Variants in CA1 observed in about 807,000 individuals in gnomAD.
CA1 encodes the protein carbonate dehydratase I.
Under a neutral mutation model 28.8 loss-of-function variants are expected in CA1, and 27 were observed. That is an observed-to-expected ratio of 0.94 (90% CI 0.69 to 1.29). The LOEUF (loss-of-function observed/expected upper bound fraction) is 1.29. CA1 is among the 50% of genes most tolerant of loss of function. CA1 has a pLI of 0.00. For synonymous variants in CA1, 121 were observed against 108.8 expected (o/e 1.11, Z -0.70); for missense variants, 335 against 310.5 (o/e 1.08, Z -0.59).
Position 85,328,075 on chromosome 8 carries a change from G to C in CA1, c.*485C>G, listed in dbSNP as rs893281643. The C allele has an allele frequency of 6.4e-6, 1 of 155,618 alleles. No individual in the cohort carries two copies. Among genetic ancestry groups the C allele is most frequent in the Non-Finnish European group, 1.4e-5 (1 of 70,472 alleles). 9.6% of individuals were successfully genotyped at this position (155,618 alleles called of 1,614,324 possible). ...ATCTCAGCTATATTTTTGTCTTCAGGAGTAAGCAAATGAATTTCCCAATAT... is the reference window on the plus strand; with the variant it reads ...ATCTCAGCTATATTTTTGTCTTCAGCAGTAAGCAAATGAATTTCCCAATAT... On this transcript the variant is annotated 3_prime_UTR_variant, in exon 8 of 8. Coordinates refer to ENST00000523022, the MANE Select transcript of CA1 (RefSeq NM_001128831.4).
intron 1 of CA1, among the ~76,000 whole-genome samples, chr8:85,377,369 G>C (rs1273024236): frequency 6.6e-6 from 1 of 152,182 alleles, no homozygotes; most frequent in Non-Finnish European, 1.5e-5. Flanking sequence ...TGAAATGCTT[G>C]AGAGATTCAG....
At chr8:85,350,104 AT>A (rs1564033603) in intron 1 of CA1, among the ~76,000 whole-genome samples, 2 of 152,046 alleles carry the variant, frequency 1.3e-5, no homozygotes, top group African/African-American at 4.8e-5. Context: ...TTTCTAAAAA[AT>A]TTTTTTTCAA....
At chr8:85,358,720 C>T (rs1206052931) in intron 1 of CA1, among the ~76,000 whole-genome samples, 2 of 152,150 alleles carry the variant, frequency 1.3e-5, no homozygotes, top group African/African-American at 2.4e-5. Context: ...GGGACATCAG[C>T]GAACAACACG....
intron 1 of CA1, among the ~76,000 whole-genome samples, chr8:85,349,167 T>C (rs1809312737): frequency 6.6e-6 from 1 of 152,226 alleles, no homozygotes. Flanking sequence ...AAATAGTTTC[T>C]TTTAGAATAG....
intron 1 of CA1, among the ~76,000 whole-genome samples, chr8:85,346,817 CCTCAAA>C (rs1809212174): frequency 6.6e-6 from 1 of 150,674 alleles, no homozygotes; most frequent in South Asian, 2.1e-4. Flanking sequence ...TCAACATAAG[CCTCAAA>C]AAAAAAAGAG....
chr8:85,335,550 A>G (rs1433057548), intron 4 of CA1, among the ~76,000 whole-genome samples: 1 of 152,158 alleles, frequency 6.6e-6, no homozygotes, highest in Non-Finnish European at 1.5e-5. Context: ...AACAGGCTGC[A>G]TTGCCTCTCA....
chr8:85,329,440 G>A (rs1808304055), intron 7 of CA1, among the ~76,000 whole-genome samples: 1 of 152,046 alleles, frequency 6.6e-6, no homozygotes, highest in Non-Finnish European at 1.5e-5. Flanking sequence ...AACAAGGTTG[G>A]ACTTTTCCTT....
chr8:85,361,451 A>C (rs765549357), intron 1 of CA1, among the ~76,000 whole-genome samples: 46 of 152,110 alleles, frequency 3.0e-4, no homozygotes, highest in Non-Finnish European at 5.3e-4. Flanking sequence ...CCGAAGCGGG[A>C]TGATTGCTTG....
chr8:85,338,293 T>A lies in CA1; in HGVS notation c.194A>T (p.His65Leu). ...GTCCTCAAAATTTACATGGAAGGAATGCCCCACATTGATAATTTCTTTGGC... is the reference window on the plus strand; with the variant it reads ...GTCCTCAAAATTTACATGGAAGGAAAGCCCCACATTGATAATTTCTTTGGC... ...ATAKEIINVG[H>L]SFHVNFEDND... Residue 65 changes from histidine to leucine, a missense_variant, in exon 3 of 8, where the codon CAT becomes CTT. His to Leu is a moderately conservative substitution (Grantham distance 99, BLOSUM62 -3). Transcript: ENST00000523022. 6.2e-7 allele frequency: 1 copy of A among 1,614,006 alleles called. No homozygotes were observed. The highest frequency in any genetic ancestry group is 1.1e-5 in the South Asian group (1 of 91,082).
At chr8:85,338,664 CTTTCTTTCTTTCTTTCTTTCCTTCTT>C (rs1294499219) in intron 2 of CA1, among the ~76,000 whole-genome samples, 3 of 101,062 alleles carry the variant, frequency 3.0e-5, no homozygotes, top group African/African-American at 3.7e-5. Context: ...TTCTTTCTTT[CTTTCTTTCTTTCTTTCTTTCCTTCTT>C]TCTCTCTCTC....
At chr8:85,343,586 A>C (rs1585931187) in intron 1 of CA1, among the ~76,000 whole-genome samples, 1 of 152,188 alleles carries the variant, frequency 6.6e-6, no homozygotes, top group African/African-American at 2.4e-5. Flanking sequence ...CTAATATTGT[A>C]TACTTTGTAA....
intron 1 of CA1, among the ~76,000 whole-genome samples, chr8:85,359,812 C>T (rs1208101222): frequency 6.6e-6 from 1 of 152,194 alleles, no homozygotes; most frequent in African/African-American, 2.4e-5. Context: ...TGTATCTTAT[C>T]TCTGTGCACT....
intron 1 of CA1, among the ~76,000 whole-genome samples, chr8:85,348,349 A>C (rs1809282024): frequency 6.6e-6 from 1 of 152,218 alleles, no homozygotes; most frequent in Non-Finnish European, 1.5e-5. Context: ...TCAAATGCTC[A>C]AGTCAGAGCC....
rs780911082 is a variant in CA1, at chr8:85,329,720, C to A, written c.638G>T (p.Cys213Phe). ...TGAGCTGACACTGATGCTCTCCTTA[C>A]AGATGATCCAAGTTACACTCTCATA... ...PLYESVTWII[C>F]KESISVSSEQ... The change falls in exon 7 of 8, where the codon TGT (cysteine) becomes TTT (phenylalanine). Residue 213 changes from cysteine to phenylalanine, a missense_variant. Transcript: ENST00000523022. 1 of 1,610,562 alleles carries A rather than the reference C, an allele frequency of 6.2e-7. No individual in the cohort carries two copies.
chr8:85,337,906 A>AT, intron 3 of CA1: 1 of 381,486 alleles, frequency 2.6e-6, no homozygotes, highest in South Asian at 2.2e-5. Flanking sequence ...ATTAGAAAAT[A>AT]TTTTTCTTTT....
chr8:85,332,080 G>A (rs1808429756), intron 6 of CA1, among the ~76,000 whole-genome samples: 1 of 152,072 alleles, frequency 6.6e-6, no homozygotes, highest in Non-Finnish European at 1.5e-5. Context: ...GTTGACAAGA[G>A]TTATGGTTAT....
At chr8:85,340,312 G>A (rs1026725160) in intron 2 of CA1, among the ~76,000 whole-genome samples, 1 of 152,138 alleles carries the variant, frequency 6.6e-6, no homozygotes, top group East Asian at 1.9e-4. Context: ...CCTGTGCTCT[G>A]TAAAAGGAAC....
At chr8:85,340,593 G>T (rs1245205803) in intron 2 of CA1, among the ~76,000 whole-genome samples, 1 of 152,164 alleles carries the variant, frequency 6.6e-6, no homozygotes, top group Non-Finnish European at 1.5e-5. Flanking sequence ...CACTTTGTAA[G>T]GCTGTAGTTC....
At chr8:85,351,012 G>A (rs903217969) in intron 1 of CA1, among the ~76,000 whole-genome samples, 3 of 152,182 alleles carry the variant, frequency 2.0e-5, no homozygotes, top group Admixed American at 6.5e-5. Flanking sequence ...GTCCCCTGCA[G>A]AGTTGGACAG....
Sources: allele counts gnomAD v4.1 joint callset (sites outside exome capture counted in the v4.1 genomes callset), GRCh38; gene constraint gnomAD v4.1.1; transcripts MANE v1.5; gene names NCBI Gene and HGNC (gene_info 2026-07-23, HGNC 2026-07-21).